ZNF345: variants seen among roughly 807,000 people sequenced by gnomAD.
ZNF345 encodes the protein zinc finger protein 345.
For synonymous variants in ZNF345, 166 were observed against 187.9 expected, an observed-to-expected ratio of 0.88 and a Z score of 0.95; for missense variants, 527 against 589.9, an observed-to-expected ratio of 0.89 and a Z score of 1.10.
chr19:36,882,061 TA>T (rs74556601), downstream of ZNF345, among the ~76,000 whole-genome samples: 10,211 of 151,330 alleles, frequency 0.067, 820 homozygotes, highest in African/African-American at 0.19. Flanking sequence ...GTTTTTTTTT[TA>T]AAAAAAACCT....
intron 3 of ZNF345, chr19:36,888,298 C>G (rs1355355276): frequency 6.6e-6 from 1 of 151,520 alleles, no homozygotes; most frequent in Non-Finnish European, 1.5e-5. Flanking sequence ...AAGATGTTTC[C>G]TGTTCTATCT....
intron 3 of ZNF345, chr19:36,891,846 C>G: frequency 6.2e-7 from 1 of 1,614,138 alleles, no homozygotes; most frequent in South Asian, 1.1e-5. Flanking sequence ...TATGCATTCT[C>G]TGATGCTGAA....
At chr19:36,859,020 G>A (rs962158854) in intron 2 of ZNF345, among the ~76,000 whole-genome samples, 4 of 151,656 alleles carry the variant, frequency 2.6e-5, no homozygotes, top group Non-Finnish European at 5.9e-5. Context: ...CATCTTAGTG[G>A]TGTCTTGTGG....
At chr19:36,859,092 T>TTA (rs1354926702) in intron 2 of ZNF345, among the ~76,000 whole-genome samples, 27 of 142,784 alleles carry the variant, frequency 1.9e-4, no homozygotes, top group African/African-American at 6.7e-4. Context: ...GTCTTCTTTT[T>TTA]AAAAAAAAAA....
In ZNF345 at chr19:36,892,047, G is replaced by C. The variant is rs2073059299; in HGVS notation, c.47-771G>C. 7 of 1,613,650 alleles carry C rather than the reference G, an allele frequency of 4.3e-6. 1 individual carries two copies. The African/African-American group carries it at 6.7e-5, about 15-fold the overall frequency. On this transcript the variant is annotated intron_variant, in intron 3 of 3. Transcript: ENST00000526123. ...CATTAAGGTTTGAGCAATACTTAAA[G>C]GCTTTTCCACATTCCTTACATTCAT...
Position 36,878,206 on chromosome 19 carries a change from G to C in ZNF345, c.1376G>C (p.Cys459Ser), listed in dbSNP as rs2072932037. ...TGEKLYECKN[C>S]GKAYGRDSEF... is the part of the protein sequence containing the mutation. ...GAGAAACTTTATGAATGTAAGAACT[G>C]TGGGAAGGCTTATGGGAGGGATTCA... is the stretch of plus-strand genomic sequence containing the variant. Residue 459 changes from cysteine (C) to serine (S), a missense_variant, in exon 3 of 3, where the codon TGT becomes TCT. Physicochemically the swap from Cys to Ser is moderately radical, Grantham distance 112. Coordinates refer to ENST00000420450, the MANE Select transcript of ZNF345 (RefSeq NM_001242472.2). 1.2e-6 allele frequency: 2 copies of C among 1,613,968 alleles called. No individual in the cohort carries two copies. The highest frequency in any genetic ancestry group is 1.7e-6 in the Non-Finnish European group (2 of 1,179,984).
chr19:36,866,386 C>T (rs1373600306), intron 2 of ZNF345, among the ~76,000 whole-genome samples: 5 of 152,240 alleles, frequency 3.3e-5, no homozygotes, highest in African/African-American at 9.6e-5. Flanking sequence ...TAATCTCTTT[C>T]GCTCTCCACT....
At chr19:36,892,233 A>G in intron 3 of ZNF345, 1 of 1,614,108 alleles carries the variant, frequency 6.2e-7, no homozygotes, top group African/African-American at 1.3e-5. Context: ...CATACTCCTT[A>G]GATTCATAGT....
At chr19:36,887,725 T>A (rs934519976) in intron 3 of ZNF345, among the ~76,000 whole-genome samples, 8 of 152,162 alleles carry the variant, frequency 5.3e-5, no homozygotes, top group Non-Finnish European at 1.2e-4. Context: ...AGGCTAAAAG[T>A]CAAGATTCGA....
downstream of ZNF345, among the ~76,000 whole-genome samples, chr19:36,883,458 A>G (rs2072980036): frequency 6.6e-6 from 1 of 152,126 alleles, no homozygotes; most frequent in Non-Finnish European, 1.5e-5. Flanking sequence ...TGAACTCCAC[A>G]CTCACTACGT....
rs572763204 is a variant in ZNF345, at chr19:36,867,926, T to C, written c.-46-8859T>C. Among the ~76,000 whole-genome samples, 65 of 152,248 alleles carry C rather than the reference T, an allele frequency of 4.3e-4. 1 individual carries two copies. In the South Asian group the frequency reaches 6.8e-3, roughly 16 times the overall value. On this transcript the variant is annotated intron_variant, in intron 2 of 2. Coordinates refer to ENST00000420450, the MANE Select transcript of ZNF345 (RefSeq NM_001242472.2). ...AATTGTAAGAAGAGAGTCCTACCTT[T>C]TCATTTTCAATACACATTGCAGTTC...
chr19:36,869,045 A>G (rs1360043124), intron 2 of ZNF345, among the ~76,000 whole-genome samples: 4 of 152,232 alleles, frequency 2.6e-5, no homozygotes, highest in South Asian at 4.1e-4. Flanking sequence ...TTAATCTCCA[A>G]CTGATGTACT....
chr19:36,858,018 G>T (rs2072460706), intron 2 of ZNF345, among the ~76,000 whole-genome samples: 1 of 151,876 alleles, frequency 6.6e-6, no homozygotes, highest in African/African-American at 2.4e-5. Flanking sequence ...GACCTCAGGT[G>T]ATCCGCCCAC....
rs1231959130 is a variant in ZNF345 at position 36,877,434 on chromosome 19, T to G, written c.604T>G (p.Tyr202Asp). The part of the protein sequence containing the change: ...HHRIHTGEKP[Y>D]ECIDCGKAFG... Reference sequence around the variant, plus strand: ...CAGAATTCACACAGGTGAGAAACCTTATGAATGTATAGATTGTGGTAAAGC... The same window carrying G: ...CAGAATTCACACAGGTGAGAAACCTGATGAATGTATAGATTGTGGTAAAGC... Residue 202 changes from tyrosine to aspartate, a missense_variant, in exon 3 of 3, where the codon TAT (tyrosine) becomes GAT (aspartate). Tyr to Asp is a radical substitution (Grantham distance 160). Transcript: ENST00000420450. 1 of 1,614,100 alleles carries G rather than the reference T, an allele frequency of 6.2e-7. No homozygotes were observed. The highest frequency in any genetic ancestry group is 1.1e-5 in the South Asian group (1 of 91,076).
At chr19:36,860,499 T>C (rs1368695167) in intron 2 of ZNF345, among the ~76,000 whole-genome samples, 1 of 152,338 alleles carries the variant, frequency 6.6e-6, no homozygotes, top group African/African-American at 2.4e-5. Context: ...TTCTTTAATC[T>C]GGAAGAGTTG....
At chr19:36,891,231 T>C (rs573857681) in intron 3 of ZNF345, 9 of 368,496 alleles carry the variant, frequency 2.4e-5, no homozygotes, top group Non-Finnish European at 3.9e-5. Context: ...GAAAAAGGCA[T>C]AGAACAGATC....
chr19:36,870,526 G>C (rs1442879360), intron 2 of ZNF345, among the ~76,000 whole-genome samples: 4 of 152,086 alleles, frequency 2.6e-5, no homozygotes, highest in Admixed American at 6.5e-5. Flanking sequence ...GATATTGGTG[G>C]CATGTGAGAA....
At chr19:36,870,630 A>AT (rs1194274228) in intron 2 of ZNF345, among the ~76,000 whole-genome samples, 1 of 151,930 alleles carries the variant, frequency 6.6e-6, no homozygotes, top group Non-Finnish European at 1.5e-5. Flanking sequence ...CATTAAAAAT[A>AT]TTTTTCCTCA....
At chr19:36,854,184 T>G (rs2146119325) in intron 2 of ZNF345, among the ~76,000 whole-genome samples, 1 of 152,174 alleles carries the variant, frequency 6.6e-6, no homozygotes, top group African/African-American at 2.4e-5. Flanking sequence ...GTCTGGAATC[T>G]GAGCAGTTCA....
Sources: gnomAD v4.1 joint callset for allele counts (sites outside exome capture counted in the v4.1 genomes callset) on GRCh38, gnomAD v4.1.1 for gene constraint, MANE v1.5 for transcripts, NCBI Gene and HGNC (gene_info 2026-07-23, HGNC 2026-07-21) for gene names.